Variants in SLC8A1 observed in about 807,000 individuals in gnomAD.
SLC8A1 encodes sodium/calcium exchanger 1.
A neutral mutation model predicts 68.3 loss-of-function variants in SLC8A1; 18 were observed. The ratio of observed to expected loss-of-function variants is 0.26; its 90% CI spans 0.18 to 0.39. The LOEUF is 0.39. Among genes scored for constraint, SLC8A1 ranks in the 10% least tolerant of loss-of-function variants. The pLI, the probability that SLC8A1 is intolerant of heterozygous loss-of-function variation, is 1.00. For synonymous variants in SLC8A1, 475 were observed against 415.5 expected, an observed-to-expected ratio of 1.14 and a Z score of -1.74; for missense variants, 985 against 1,156.7, an observed-to-expected ratio of 0.85 and a Z score of 2.15.
chr2:40,442,055 G>A (rs1295536265), intron 1 of SLC8A1, among the ~76,000 whole-genome samples: 1 of 103,400 alleles, frequency 9.7e-6, no homozygotes, highest in Non-Finnish European at 1.8e-5. Flanking sequence ...GTGGTGGGGT[G>A]GGGGGAGGGG....
chr2:40,253,111 G>A lies in SLC8A1; in HGVS notation c.1809-75256C>T, dbSNP rs183369351. 1.4e-3 allele frequency among the ~76,000 whole-genome samples: 146 copies of A among 106,230 alleles called. 4 individuals carry two copies. Among genetic ancestry groups the A allele is most frequent in the Admixed American group, 1.4e-3 (13 of 9,000 alleles). The allele number at this position is 106,230 out of a possible 152,430, so 69.7% of individuals were successfully genotyped here. ...GTATATAGTATATATACATATATAC[G>A]TGTATACATATATACACGTATATAT... On this transcript the variant is annotated intron_variant, in intron 2 of 7. Transcript: ENST00000406785.
intron 2 of SLC8A1, among the ~76,000 whole-genome samples, chr2:40,216,169 G>A (rs1019018048): frequency 2.0e-5 from 3 of 151,930 alleles, no homozygotes; most frequent in Non-Finnish European, 2.9e-5. Flanking sequence ...CCCACCCACC[G>A]ACAGGCCCTG....
intron 2 of SLC8A1, among the ~76,000 whole-genome samples, chr2:40,407,559 A>T (rs551462994): frequency 5.9e-5 from 9 of 152,262 alleles, no homozygotes; most frequent in African/African-American, 2.2e-4. Flanking sequence ...CTCAGTGAAC[A>T]GCCTTTCCTT....
intron 2 of SLC8A1, among the ~76,000 whole-genome samples, chr2:40,295,537 T>G (rs2070205475): frequency 6.6e-6 from 1 of 152,176 alleles, no homozygotes; most frequent in South Asian, 2.1e-4. Flanking sequence ...AGTGGGAAAT[T>G]TTTTTGTCCT....
chr2:40,418,958 G>A (rs1232325921), intron 2 of SLC8A1, among the ~76,000 whole-genome samples: 1 of 152,174 alleles, frequency 6.6e-6, no homozygotes, highest in Non-Finnish European at 1.5e-5. Flanking sequence ...AACACCAGTG[G>A]CAAGAGCCCC....
intron 2 of SLC8A1, among the ~76,000 whole-genome samples, chr2:40,212,281 A>ATGGTTTTT (rs371395367): frequency 8.5e-6 from 1 of 118,212 alleles, no homozygotes. Flanking sequence ...GAGATGCAAT[A>ATGGTTTTT]TCTTTTTTTT....
exon 1 of SLC8A1, chr2:40,451,983 C>T (rs968218527): frequency 1.6e-4 from 25 of 151,972 alleles, no homozygotes; most frequent in Admixed American, 1.6e-3. Flanking sequence ...TCCTTTTAAA[C>T]AGCTCCCGAT....
upstream of SLC8A1, among the ~76,000 whole-genome samples, chr2:40,456,514 C>T (rs1457063646): frequency 1.3e-5 from 2 of 152,048 alleles, no homozygotes; most frequent in African/African-American, 2.4e-5. Flanking sequence ...TGGTTAAGAG[C>T]CAAGGCTTTA....
At chr2:40,112,771 GC>G (rs1398556940) in exon 8 of SLC8A1, 1 of 152,458 alleles carries the variant, frequency 6.6e-6, no homozygotes, top group Non-Finnish European at 1.5e-5. Flanking sequence ...GATACACTGG[GC>G]TTTCTCAGTG....
chr2:40,171,392 A>G (rs1274957062), intron 4 of SLC8A1, among the ~76,000 whole-genome samples: 3 of 152,232 alleles, frequency 2.0e-5, no homozygotes, highest in African/African-American at 7.2e-5. Flanking sequence ...AGAACTCTAT[A>G]TCTTAGAAGT....
At chr2:40,238,261 C>T (rs1651356) in intron 2 of SLC8A1, among the ~76,000 whole-genome samples, 11,568 of 152,248 alleles carry the variant, frequency 0.076, 634 homozygotes, top group Admixed American at 0.16. Flanking sequence ...AGTGAGACTC[C>T]GTGGGCGTAG....
intron 2 of SLC8A1, among the ~76,000 whole-genome samples, chr2:40,230,625 T>G (rs1183567074): frequency 2.0e-5 from 3 of 152,218 alleles, no homozygotes; most frequent in Non-Finnish European, 4.4e-5. Flanking sequence ...GTGATCAGTT[T>G]TTCTTTAAAA....
rs2065588984 is a variant in SLC8A1, at chr2:40,268,132, T to C, written c.1809-90277A>G. 2.0e-5 allele frequency among the ~76,000 whole-genome samples: 3 copies of C among 152,202 alleles called. No individual in the cohort carries two copies. The South Asian group carries it at 6.2e-4, about 31-fold the overall frequency. On this transcript the variant is annotated intron_variant, in intron 2 of 7. Transcript: ENST00000406785. ...AAAGTTAGGAGATATAAAGTGACTT[T>C]CTCCACAGTGAAGAGCCAGAATTCC...
intron 2 of SLC8A1, among the ~76,000 whole-genome samples, chr2:40,178,986 T>C (rs529094080): frequency 2.5e-4 from 38 of 152,180 alleles, no homozygotes; most frequent in Non-Finnish European, 5.1e-4. Context: ...GTTCCAAATA[T>C]AGTATTTTTA....
intron 1 of SLC8A1, among the ~76,000 whole-genome samples, chr2:40,449,021 T>C (rs183868094): frequency 9.7e-4 from 147 of 152,156 alleles, no homozygotes; most frequent in Non-Finnish European, 1.6e-3. Flanking sequence ...CAGATCTAAT[T>C]TATATTTCAG....
At chr2:40,168,324 G>A (rs919552596) in intron 4 of SLC8A1, among the ~76,000 whole-genome samples, 15 of 152,222 alleles carry the variant, frequency 9.9e-5, no homozygotes, top group Admixed American at 5.2e-4. Context: ...ATTGCCGCCC[G>A]GTGAAGGTGA....
chr2:40,290,253 C>T (rs1294633737), intron 2 of SLC8A1, among the ~76,000 whole-genome samples: 1 of 148,064 alleles, frequency 6.8e-6, no homozygotes, highest in Non-Finnish European at 1.5e-5. Flanking sequence ...CAAATAACTG[C>T]AGCTGAAAAA....
intron 2 of SLC8A1, among the ~76,000 whole-genome samples, chr2:40,425,679 A>C (rs1696665957): frequency 6.6e-6 from 1 of 151,932 alleles, no homozygotes; most frequent in South Asian, 2.1e-4. Context: ...GATGAGATAT[A>C]AATTCATTCT....
intron 2 of SLC8A1, among the ~76,000 whole-genome samples, chr2:40,372,847 G>C (rs894219399): frequency 1.3e-5 from 2 of 152,032 alleles, no homozygotes; most frequent in Non-Finnish European, 2.9e-5. Flanking sequence ...ATTATCTCTG[G>C]CTTTGGTGTT....
Sources: allele counts gnomAD v4.1 joint callset (sites outside exome capture counted in the v4.1 genomes callset), GRCh38; gene constraint gnomAD v4.1.1; transcripts MANE v1.5; gene names NCBI Gene and HGNC (gene_info 2026-07-23, HGNC 2026-07-21).